ENTREP1: variants seen among roughly 807,000 people sequenced by gnomAD.
ENTREP1 encodes Friedreich ataxia region gene X123.
chr9:69,357,790 C>T, the ENTREP1 span, among the ~76,000 whole-genome samples: 1 of 152,148 alleles, frequency 6.6e-6, no homozygotes, highest in Non-Finnish European at 1.5e-5. Context: ...ATTCGTTTTG[C>T]TAAACCAGTT....
At chr9:69,366,388 T>TTTTTTG in the ENTREP1 span, among the ~76,000 whole-genome samples, 1 of 151,058 alleles carries the variant, frequency 6.6e-6, no homozygotes, top group African/African-American at 2.4e-5. Flanking sequence ...AACTGGGGTT[T>TTTTTTG]TTTTTTTTTT....
the ENTREP1 span, among the ~76,000 whole-genome samples, chr9:69,388,994 G>A: frequency 6.6e-6 from 1 of 152,324 alleles, no homozygotes; most frequent in Admixed American, 6.5e-5. Flanking sequence ...AGCCACTTGG[G>A]GAAAAGATAG....
the ENTREP1 span, among the ~76,000 whole-genome samples, chr9:69,344,696 C>T: frequency 1.3e-5 from 2 of 152,188 alleles, no homozygotes; most frequent in Admixed American, 6.5e-5. Flanking sequence ...GCCCAGGACT[C>T]TGAATCTGGA....
At chr9:69,379,861 CG>C in the ENTREP1 span, 1 of 152,362 alleles carries the variant, frequency 6.6e-6, no homozygotes, top group Middle Eastern at 3.4e-3. Flanking sequence ...TGAGCACTCC[CG>C]ACCTTCCTGT....
chr9:69,390,701 GTAGATA>G, the ENTREP1 span, among the ~76,000 whole-genome samples: 1 of 152,282 alleles, frequency 6.6e-6, no homozygotes, highest in Non-Finnish European at 1.5e-5. Flanking sequence ...GTGCGGTGGT[GTAGATA>G]TAGCTCACTG....
chr9:69,376,112 C>T, the ENTREP1 span, among the ~76,000 whole-genome samples: 65,098 of 152,016 alleles, frequency 0.43, 14,489 homozygotes, highest in African/African-American at 0.56. Context: ...GGAAAGGAGC[C>T]TGACTATATA....
chr9:69,371,480 C>T, the ENTREP1 span: 253 of 1,497,150 alleles, frequency 1.7e-4, no homozygotes, highest in African/African-American at 3.2e-3. Flanking sequence ...ACTAACTGTC[C>T]ATTCTCTTGC....
the ENTREP1 span, chr9:69,382,753 C>A: frequency 2.0e-5 from 3 of 152,330 alleles, no homozygotes; most frequent in African/African-American, 7.2e-5. Context: ...TCAGAGAACA[C>A]TGCTCCCCAA....
chr9:69,326,352 G>A, the ENTREP1 span, among the ~76,000 whole-genome samples: 1 of 152,146 alleles, frequency 6.6e-6, no homozygotes, highest in Non-Finnish European at 1.5e-5. Context: ...GGTTCCTGGA[G>A]CCATGCAGGC....
the ENTREP1 span, among the ~76,000 whole-genome samples, chr9:69,389,854 C>T: frequency 3.3e-5 from 5 of 152,224 alleles, no homozygotes; most frequent in African/African-American, 9.6e-5. Context: ...TCTTTGTGCC[C>T]CAGGCAGGTT....
the ENTREP1 span, among the ~76,000 whole-genome samples, chr9:69,369,965 T>C: frequency 7.2e-5 from 11 of 152,192 alleles, no homozygotes; most frequent in African/African-American, 2.7e-4. Context: ...GTTTGTTCAA[T>C]ATATGAGTGA....
At chr9:69,340,907 C>A in the ENTREP1 span, among the ~76,000 whole-genome samples, 5 of 152,088 alleles carry the variant, frequency 3.3e-5, no homozygotes, top group Non-Finnish European at 7.4e-5. Context: ...TTCTAGACAT[C>A]ATTCCTCTTT....
At chr9:69,388,878 C>T in the ENTREP1 span, among the ~76,000 whole-genome samples, 7,585 of 148,406 alleles carry the variant, frequency 0.051, 289 homozygotes, top group East Asian at 0.13. Context: ...AGGCTGTTCA[C>T]ATTCCCATGA....
At chr9:69,344,200 A>T in the ENTREP1 span, among the ~76,000 whole-genome samples, 5 of 152,154 alleles carry the variant, frequency 3.3e-5, no homozygotes, top group African/African-American at 1.2e-4. Flanking sequence ...TGAATTGGGG[A>T]ACATCTTAAA....
At chr9:69,391,035 C>T in the ENTREP1 span, among the ~76,000 whole-genome samples, 1 of 151,750 alleles carries the variant, frequency 6.6e-6, no homozygotes, top group African/African-American at 2.4e-5. Flanking sequence ...CCTCCTGACT[C>T]AGCCTCCCAA....
At chr9:69,329,094 C>A in the ENTREP1 span, among the ~76,000 whole-genome samples, 1 of 152,172 alleles carries the variant, frequency 6.6e-6, no homozygotes. Flanking sequence ...TTTATTCACT[C>A]ACAAGTTTTA....
chr9:69,371,346 G>T, the ENTREP1 span: 1 of 734,086 alleles, frequency 1.4e-6, no homozygotes, highest in East Asian at 2.5e-5. Flanking sequence ...AGTCTAAAAT[G>T]TGAAAAAAAG....
chr9:69,334,543 A>G, the ENTREP1 span, among the ~76,000 whole-genome samples: 1 of 152,212 alleles, frequency 6.6e-6, no homozygotes, highest in Non-Finnish European at 1.5e-5. Context: ...GGTGCATTTG[A>G]GCAATTTGAA....
chr9:69,373,822 G>A, the ENTREP1 span, among the ~76,000 whole-genome samples: 1 of 152,112 alleles, frequency 6.6e-6, no homozygotes, highest in Non-Finnish European at 1.5e-5. Flanking sequence ...TGGGGTAGAA[G>A]TTACAGTGAA....
Sources: allele counts gnomAD v4.1 joint callset (sites outside exome capture counted in the v4.1 genomes callset), GRCh38; gene constraint gnomAD v4.1.1; transcripts MANE v1.5; gene names NCBI Gene and HGNC (gene_info 2026-07-23, HGNC 2026-07-21).